The following TTC12 variants were observed in gnomAD, a reference collection of about 807,000 sequenced individuals.
TTC12 encodes the protein tetratricopeptide repeat domain 12.
TTC12 carries 70 observed loss-of-function variants against 90.1 expected under a neutral mutation model. The observed-to-expected ratio is 0.78, with a 90% CI of 0.64 to 0.95. The LOEUF (loss-of-function observed/expected upper bound fraction) is 0.95, where lower values mean the gene tolerates loss of function less well. Ranked by LOEUF, TTC12 falls within the 40% of genes least tolerant of loss-of-function variation. TTC12 has a pLI of 0.00. For synonymous variants in TTC12, 296 were observed against 311.5 expected (o/e 0.95, Z 0.53); for missense variants, 819 against 846.1 (o/e 0.97, Z 0.40).
rs562385128 is a variant in TTC12 at position 113,352,254 on chromosome 11, G to A, written c.1446+47G>A. On this transcript the variant is annotated intron_variant, in intron 16 of 21. Transcript: ENST00000529221. ...AAATTGGTCTTTATCCTCTTTGGGG[G>A]CATTAGCGTCTTCTTAGTTATCTGA... 18 of 1,611,404 alleles carry A rather than the reference G, an allele frequency of 1.1e-5. No individual in the cohort carries two copies. In the African/African-American group the frequency reaches 1.3e-4, roughly 12 times the overall value.
chr11:113,325,489 G>T, intron 5 of TTC12, 35 bp from the exon 6 acceptor site: 1 of 1,610,590 alleles, frequency 6.2e-7, no homozygotes, highest in Non-Finnish European at 8.5e-7. Flanking sequence ...CTGATGTGTG[G>T]TGAGAGCTCA....
chr11:113,316,061 A>C (rs1355643413), intron 1 of TTC12, 182 bp from the exon 2 acceptor site: 2 of 390,216 alleles, frequency 5.1e-6, no homozygotes, highest in Non-Finnish European at 9.2e-6. Context: ...CACGTAAATG[A>C]GTGCCTCTTG....
At chr11:113,343,235 C>A (rs1345480808) in intron 12 of TTC12, among the ~76,000 whole-genome samples, 1 of 152,160 alleles carries the variant, frequency 6.6e-6, no homozygotes, top group Non-Finnish European at 1.5e-5. Flanking sequence ...TGAATAATAG[C>A]TCCTTTGGGG....
At chr11:113,334,766 G>A (rs552671871) in intron 7 of TTC12, among the ~76,000 whole-genome samples, 200 bp from the exon 8 acceptor site, 12 of 152,168 alleles carry the variant, frequency 7.9e-5, no homozygotes, top group African/African-American at 2.7e-4. Flanking sequence ...AATTAATTTG[G>A]TGAAGAGCTT....
At chr11:113,368,851 CA>C (rs1185618571), downstream of TTC12, 1 of 274,214 alleles carries the variant, frequency 3.6e-6, no homozygotes, top group African/African-American at 2.2e-5. Flanking sequence ...AAAGTAATGA[CA>C]AAAACTGCAA....
At chr11:113,370,486 G>A (rs1399836299), downstream of TTC12, among the ~76,000 whole-genome samples, 1 of 152,238 alleles carries the variant, frequency 6.6e-6, no homozygotes, top group African/African-American at 2.4e-5. Context: ...CTGGGCTTCT[G>A]TGACCTGAAG....
intron 8 of TTC12, among the ~76,000 whole-genome samples, chr11:113,336,357 T>G (rs114815492): frequency 0.015 from 2,214 of 152,340 alleles, 49 homozygotes; most frequent in African/African-American, 0.048. Flanking sequence ...GATGATGTTC[T>G]TTGCGGCACA....
chr11:113,339,586 TAA>T (rs1478926167), intron 10 of TTC12, 112 bp downstream of exon 10: 5 of 1,002,140 alleles, frequency 5.0e-6, no homozygotes, highest in Admixed American at 2.5e-5. Context: ...AAATATTGAT[TAA>T]AGATATACGC....
Position 113,366,376 on chromosome 11 carries a change from T to C in TTC12, c.*76T>C. On this transcript the variant is annotated 3_prime_UTR_variant, in exon 22 of 22. Transcript: ENST00000529221. ...GTTGTTCCTATGCTAATAAAGACCT[T>C]TGATGTATCCACTTCAGAATCAAGT... 2 of 1,597,434 alleles carry C rather than the reference T, an allele frequency of 1.3e-6. No homozygotes were observed. Among genetic ancestry groups the C allele is most frequent in the Non-Finnish European group, 1.7e-6 (2 of 1,175,112 alleles).
At chr11:113,366,100 T>C in intron 21 of TTC12, 125 bp from the exon 22 acceptor site, 1 of 1,031,850 alleles carries the variant, frequency 9.7e-7, no homozygotes, top group Admixed American at 1.9e-5. Context: ...CCACTTCCTG[T>C]TTCCACCCAG....
intron 14 of TTC12, 65 bp downstream of exon 14, chr11:113,350,230 A>G (rs1949190029): frequency 2.4e-6 from 3 of 1,267,414 alleles, no homozygotes; most frequent in Non-Finnish European, 3.4e-6. Flanking sequence ...TCTGATCTTT[A>G]AAAATGTGCT....
rs1555139554 is a variant in TTC12, at chr11:113,323,448, G to A, written c.219G>A (p.Met73Ile). Reference sequence around the variant, plus strand: ...TGATCAGTCCTCCACAAACTGCTATGAAGGTTTCTTTTTCTATTGAGAAGT... The same window carrying A: ...TGATCAGTCCTCCACAAACTGCTATAAAGGTTTCTTTTTCTATTGAGAAGT... ...KTMISPPQTA[M>I]KSAEEINSEA... The change falls in exon 3 of 22, where the codon ATG (methionine) becomes ATA (isoleucine). Residue 73 changes from methionine (M) to isoleucine (I), a missense_variant. Physicochemically the swap from Met to Ile is conservative, Grantham distance 10. Transcript: ENST00000529221. The A allele has an allele frequency of 1.3e-6, 2 of 1,567,000 alleles. No individual in the cohort carries two copies. Among genetic ancestry groups the A allele is most frequent in the South Asian group, 2.4e-5 (2 of 81,750 alleles).
intron 16 of TTC12, among the ~76,000 whole-genome samples, chr11:113,354,923 T>C (rs1307794121): frequency 6.6e-6 from 1 of 152,198 alleles, no homozygotes; most frequent in Non-Finnish European, 1.5e-5. Context: ...GTTTTCTGTT[T>C]TGTGTGTGTC....
At chr11:113,333,732 G>A (rs1175941387) in intron 7 of TTC12, among the ~76,000 whole-genome samples, 1 of 152,074 alleles carries the variant, frequency 6.6e-6, no homozygotes, top group Non-Finnish European at 1.5e-5. Flanking sequence ...TTTTTATTAT[G>A]ACTTCCATTC....
intron 2 of TTC12, among the ~76,000 whole-genome samples, chr11:113,322,595 C>T (rs532921592): frequency 5.3e-5 from 8 of 152,194 alleles, no homozygotes; most frequent in African/African-American, 1.9e-4. Context: ...GATATCTTGC[C>T]CAGGATAACA....
At chr11:113,364,466 G>T (rs1012657684) in intron 20 of TTC12, 6 of 307,512 alleles carry the variant, frequency 2.0e-5, no homozygotes, top group Non-Finnish European at 3.8e-5. Context: ...TGCAGGTGTA[G>T]GTTGCTGGCA....
intron 20 of TTC12, 128 bp downstream of exon 20, chr11:113,364,055 G>T: frequency 1.6e-6 from 1 of 620,626 alleles, no homozygotes; most frequent in Non-Finnish European, 2.8e-6. Flanking sequence ...CTTCAGCAAT[G>T]TTTACAGAAG....
In TTC12 at chr11:113,342,045, C is replaced by T. The variant is rs1419424319; in HGVS notation, c.985+120C>T. On this transcript the variant is annotated intron_variant, in intron 12 of 21. Coordinates refer to ENST00000529221, the MANE Select transcript of TTC12 (RefSeq NM_017868.4). ...GAAAGCTGATGTCTAGACTTCCGCA[C>T]ACACCCACTCCCTCCAGGAAAGCTT... 6.3e-6 allele frequency: 5 copies of T among 795,640 alleles called. No individual in the cohort carries two copies. In the African/African-American group the frequency reaches 6.8e-5, roughly 11 times the overall value. The allele number at this position is 795,640 out of a possible 1,614,324, so 49.3% of individuals were successfully genotyped here. A position where few individuals can be genotyped will look rare whatever the true frequency, so the allele number is the denominator to read the frequency against.
At chr11:113,339,537 CT>C in intron 10 of TTC12, 63 bp downstream of exon 10, 1 of 1,424,276 alleles carries the variant, frequency 7.0e-7, no homozygotes, top group Non-Finnish European at 9.6e-7. Context: ...ATTCAGAGGT[CT>C]GCCTTTACCA....
Sources: gnomAD v4.1 joint callset for allele counts (sites outside exome capture counted in the v4.1 genomes callset) on GRCh38, gnomAD v4.1.1 for gene constraint, MANE v1.5 for transcripts, NCBI Gene and HGNC (gene_info 2026-07-23, HGNC 2026-07-21) for gene names.